Variants in ZNF407 observed in about 807,000 individuals in gnomAD.
ZNF407 encodes zinc finger protein 407.
Under a neutral mutation model 131.2 loss-of-function variants are expected in ZNF407, and 17 were observed. The ratio of observed to expected loss-of-function variants is 0.13; its 90% confidence interval spans 0.09 to 0.19. The LOEUF is 0.19. ZNF407 is among the 10% of genes least tolerant of loss of function. The probability of loss-of-function intolerance (pLI) is 1.00; values close to 1 mark genes in which losing one functional copy is unlikely to be tolerated. For synonymous variants in ZNF407, 1,156 were observed against 1,062.0 expected, an observed-to-expected ratio of 1.09 and a Z score of -1.72; for missense variants, 2,681 against 2,830.6, an observed-to-expected ratio of 0.95 and a Z score of 1.20.
chr18:74,710,495 T>C (rs1441523266), intron 3 of ZNF407, among the ~76,000 whole-genome samples: 1 of 152,206 alleles, frequency 6.6e-6, no homozygotes, highest in African/African-American at 2.4e-5. Context: ...TTTGACTGAA[T>C]GTAAGTTCTT....
chr18:74,975,704 A>C (rs375189954), intron 8 of ZNF407, among the ~76,000 whole-genome samples: 5 of 152,230 alleles, frequency 3.3e-5, no homozygotes, highest in African/African-American at 4.8e-5. Context: ...AGCTTCAGTG[A>C]GTATACTAAT....
intron 3 of ZNF407, among the ~76,000 whole-genome samples, chr18:74,730,871 A>G (rs1968279261): frequency 6.6e-6 from 1 of 152,218 alleles, no homozygotes; most frequent in Admixed American, 6.5e-5. Flanking sequence ...GTAAAAGCAT[A>G]AGGAGGATAT....
intron 8 of ZNF407, among the ~76,000 whole-genome samples, chr18:74,964,512 C>G (rs1972386754): frequency 6.7e-6 from 1 of 149,040 alleles, no homozygotes; most frequent in African/African-American, 2.5e-5. Flanking sequence ...ATCCATCTTG[C>G]TTTGTCAAGT....
chr18:75,009,388 A>G (rs1331377030), intron 8 of ZNF407, among the ~76,000 whole-genome samples: 1 of 152,228 alleles, frequency 6.6e-6, no homozygotes, highest in Non-Finnish European at 1.5e-5. Flanking sequence ...ATTTTAATCC[A>G]CAAGCAATAA....
At chr18:74,622,079 T>C (rs1435811551) in intron 1 of ZNF407, among the ~76,000 whole-genome samples, 9 of 152,200 alleles carry the variant, frequency 5.9e-5, no homozygotes, top group Non-Finnish European at 2.9e-5. Flanking sequence ...AGTGTTTTTT[T>C]TTCCTTCATA....
chr18:74,894,186 T>C (rs1971423414), intron 7 of ZNF407, among the ~76,000 whole-genome samples: 1 of 152,114 alleles, frequency 6.6e-6, no homozygotes, highest in Non-Finnish European at 1.5e-5. Context: ...GCTTTTACTG[T>C]CTAAAATATC....
chr18:74,852,554 T>C (rs8090539), intron 4 of ZNF407, among the ~76,000 whole-genome samples: 149,465 of 152,232 alleles, frequency 0.98, 73,441 homozygotes, highest in East Asian at 1. Flanking sequence ...AATTTAATAT[T>C]TTGAGCTCTG....
At chr18:75,005,885 G>T (rs1159718720) in intron 8 of ZNF407, among the ~76,000 whole-genome samples, 1 of 152,086 alleles carries the variant, frequency 6.6e-6, no homozygotes. Flanking sequence ...ACAAACCTCA[G>T]ACTTGGGAAT....
At chr18:74,921,682 C>T (rs1971848632) in intron 8 of ZNF407, among the ~76,000 whole-genome samples, 1 of 152,116 alleles carries the variant, frequency 6.6e-6, no homozygotes, top group Non-Finnish European at 1.5e-5. Context: ...GCTGTGAAGC[C>T]AGGAGAGTCT....
intron 8 of ZNF407, among the ~76,000 whole-genome samples, chr18:74,995,807 T>C (rs562182893): frequency 6.6e-6 from 1 of 152,338 alleles, no homozygotes; most frequent in Non-Finnish European, 1.5e-5. Flanking sequence ...TCTGCTTTTT[T>C]CCTTAGACAA....
At chr18:74,673,444 T>G (rs562614896) in intron 3 of ZNF407, among the ~76,000 whole-genome samples, 2 of 152,176 alleles carry the variant, frequency 1.3e-5, no homozygotes, top group Non-Finnish European at 2.9e-5. Flanking sequence ...CTTCCCTCTT[T>G]CACTCATAAG....
At chr18:75,018,859 G>A (rs756815752) in intron 8 of ZNF407, among the ~76,000 whole-genome samples, 7 of 152,040 alleles carry the variant, frequency 4.6e-5, no homozygotes, top group Non-Finnish European at 7.4e-5. Context: ...AATTTGTTGA[G>A]TCTACAGGCT....
chr18:75,043,612 A>G (rs561128816), intron 8 of ZNF407, among the ~76,000 whole-genome samples: 24 of 152,250 alleles, frequency 1.6e-4, no homozygotes, highest in African/African-American at 5.3e-4. Context: ...CTGCATCTCT[A>G]TTAAACATGT....
intron 4 of ZNF407, among the ~76,000 whole-genome samples, chr18:74,785,862 A>G (rs1969697703): frequency 1.3e-5 from 2 of 151,298 alleles, no homozygotes; most frequent in South Asian, 2.1e-4. Context: ...CCCACATGGC[A>G]CACACGTCAC....
intron 4 of ZNF407, among the ~76,000 whole-genome samples, chr18:74,855,069 C>T (rs1310201684): frequency 6.6e-6 from 1 of 152,080 alleles, no homozygotes; most frequent in Admixed American, 6.5e-5. Flanking sequence ...GAAACTTATT[C>T]TGTTAGTAAA....
intron 7 of ZNF407, among the ~76,000 whole-genome samples, chr18:74,908,250 G>A (rs75641660): frequency 0.013 from 1,912 of 152,114 alleles, 36 homozygotes; most frequent in African/African-American, 0.043. Flanking sequence ...GCATTTGGAC[G>A]TTGCTTTTTC....
intron 4 of ZNF407, among the ~76,000 whole-genome samples, chr18:74,821,585 G>A (rs1195650778): frequency 2.6e-5 from 4 of 152,064 alleles, no homozygotes; most frequent in African/African-American, 7.2e-5. Context: ...CCATGTACCT[G>A]CACAGGACAT....
chr18:74,623,019 TTGG>T (rs201912997), intron 1 of ZNF407, among the ~76,000 whole-genome samples: 4,268 of 142,104 alleles, frequency 0.03, 90 homozygotes, highest in Middle Eastern at 0.056. Context: ...TGAATGTGAG[TTGG>T]TGTGTGAGTG....
At chr18:74,739,674 G>A (rs1968503094) in intron 3 of ZNF407, among the ~76,000 whole-genome samples, 1 of 151,940 alleles carries the variant, frequency 6.6e-6, no homozygotes, top group Non-Finnish European at 1.5e-5. Context: ...CACTATGAAG[G>A]AGGATTTATA....
Sources: allele counts gnomAD v4.1 joint callset (sites outside exome capture counted in the v4.1 genomes callset), GRCh38; gene constraint gnomAD v4.1.1; transcripts MANE v1.5; gene names NCBI Gene and HGNC (gene_info 2026-07-23, HGNC 2026-07-21).